KASH5: variants seen among roughly 807,000 people sequenced by gnomAD.
The protein encoded by KASH5 is KASH domain containing 5, also known as protein KASH5.
In KASH5, 72 loss-of-function variants were observed where a neutral mutation model predicts 84.2. The ratio of observed to expected loss-of-function variants is 0.85; its 90% CI spans 0.71 to 1.04. KASH5 has a LOEUF of 1.04. Among genes scored for constraint, KASH5 ranks in the 50% least tolerant of loss-of-function variants. The pLI is 0.00. For missense variants in KASH5, 650 were observed against 701.0 expected (o/e 0.93, Z 0.82); for synonymous variants, 260 against 279.1 (o/e 0.93, Z 0.68).
chr19:49,407,805 C>T (rs1974580307), intron 12 of KASH5, 134 bp downstream of exon 12: 1 of 806,146 alleles, frequency 1.2e-6, no homozygotes, highest in South Asian at 1.5e-5. Flanking sequence ...TGATGTATGA[C>T]TGTATGACTG....
Position 49,412,420 on chromosome 19 carries a change from G to A in KASH5, c.1270-548G>A, listed in dbSNP as rs886073309. Reference sequence around the variant, plus strand: ...GAGGTGAAATCTTGAGGGATGTCTGGGGGCTGCCTGGAAGAGTTGGGTGCA... The same window carrying A: ...GAGGTGAAATCTTGAGGGATGTCTGAGGGCTGCCTGGAAGAGTTGGGTGCA... On this transcript the variant is annotated intron_variant, in intron 15 of 19. Transcript: ENST00000447857. The surrounding 1 kb of genome is among the most constrained non-coding windows in gnomAD (Gnocchi z 4.6). 6.6e-6 allele frequency among the ~76,000 whole-genome samples: 1 copy of A among 152,126 alleles called. No homozygotes were observed. Among genetic ancestry groups the A allele is most frequent in the African/African-American group, 2.4e-5 (1 of 41,410 alleles).
At position 49,395,083 on chromosome 19, in the gene KASH5, C is replaced by T; in HGVS notation, c.149-23C>T. 6.3e-7 allele frequency: 1 copy of T among 1,581,922 alleles called. No homozygotes were observed. The highest frequency in any genetic ancestry group is 1.4e-5 in the African/African-American group (1 of 73,924). On this transcript the variant is annotated intron_variant, in intron 3 of 19. Coordinates refer to ENST00000447857, the MANE Select transcript of KASH5 (RefSeq NM_144688.5). The surrounding 1 kb of genome is among the most constrained non-coding windows in gnomAD (Gnocchi z 4.4). Reference sequence around the variant, plus strand: ...ATCACTCCCCACCTGCCCCAGACCCCCTCACTGCATGCTCTGTCACAGGCA... The same window carrying T: ...ATCACTCCCCACCTGCCCCAGACCCTCTCACTGCATGCTCTGTCACAGGCA...
intron 15 of KASH5, among the ~76,000 whole-genome samples, chr19:49,410,669 G>A (rs1025754959): frequency 3.3e-5 from 5 of 152,006 alleles, no homozygotes; most frequent in African/African-American, 1.2e-4. Context: ...ATTTTTTTTA[G>A]TAGAGACGGG....
chr19:49,415,377 G>T (rs1974872679), intron 17 of KASH5: 1 of 338,390 alleles, frequency 3.0e-6, no homozygotes, highest in Non-Finnish European at 5.6e-6. Context: ...ACTCCCTGGG[G>T]GCGTAGTGCC....
At chr19:49,391,079 GGTAGATTAA>G (rs1973989245) in intron 2 of KASH5, among the ~76,000 whole-genome samples, 153 bp downstream of exon 2, 2 of 152,230 alleles carry the variant, frequency 1.3e-5, no homozygotes, top group South Asian at 4.2e-4. Context: ...AAGGGACTCT[GGTAGATTAA>G]GTGCCTACTC....
intron 9 of KASH5, among the ~76,000 whole-genome samples, chr19:49,406,476 A>T (rs1424639413): frequency 6.6e-6 from 1 of 152,140 alleles, no homozygotes; most frequent in African/African-American, 2.4e-5. Context: ...TTCCCAGTTC[A>T]AGTATTTCTC....
Position 49,394,463 on chromosome 19 carries a change from C to CT in KASH5, c.44-11dup. The CT allele has an allele frequency of 1.2e-6, 2 of 1,610,192 alleles. No homozygotes were observed. Among genetic ancestry groups the CT allele is most frequent in the Non-Finnish European group, 8.5e-7 (1 of 1,176,698 alleles). On this transcript the variant is annotated splice_polypyrimidine_tract_variant and intron_variant, in intron 2 of 19. Coordinates refer to ENST00000447857, the MANE Select transcript of KASH5 (RefSeq NM_144688.5). ...TCTTCCCACTGGTGAGCTGAGCCCT[C>CT]TTGTCTCCCCAGTGTACCTCCGGGA...
chr19:49,405,616 G>T (rs913799210), intron 9 of KASH5, among the ~76,000 whole-genome samples: 6 of 152,042 alleles, frequency 3.9e-5, no homozygotes, highest in Non-Finnish European at 7.4e-5. Context: ...AACTACAGGT[G>T]AACTAATATG....
intron 9 of KASH5, among the ~76,000 whole-genome samples, chr19:49,404,979 A>G (rs1162083902): frequency 6.6e-6 from 1 of 152,190 alleles, no homozygotes; most frequent in Admixed American, 6.5e-5. Flanking sequence ...CCAATCCTAC[A>G]GGACAAGGGA....
At chr19:49,393,088 G>A (rs1470566338) in intron 2 of KASH5, among the ~76,000 whole-genome samples, 1 of 152,154 alleles carries the variant, frequency 6.6e-6, no homozygotes, top group Non-Finnish European at 1.5e-5. Context: ...AGAGGGATGA[G>A]AAAGTTGACT....
At position 49,417,429 on chromosome 19, in the gene KASH5, C is replaced by G. The variant is rs1974947470; in HGVS notation, c.1608C>G (p.Leu536=). 6.4e-7 allele frequency: 1 copy of G among 1,555,862 alleles called. No homozygotes were observed. Among genetic ancestry groups the G allele is most frequent in the Non-Finnish European group, 8.7e-7 (1 of 1,149,702 alleles). ...PVLGLLLLLL[L]SVLLLGPSPP... is the part of the protein sequence containing the mutation. ...TGGGCCTGCTGCTGCTGCTGCTGCT[C>G]TCTGTCCTGCTGCTTGGCCCGTCCC... Residue 536 remains leucine (L), a synonymous_variant, in exon 20 of 20, where the codon CTC becomes CTG. Transcript: ENST00000447857. This position sits in a 1 kb window ranked among gnomAD's most constrained non-coding sequence, Gnocchi z 5.2.
intron 5 of KASH5, among the ~76,000 whole-genome samples, chr19:49,397,147 C>G (rs1974207806): frequency 6.6e-6 from 1 of 151,920 alleles, no homozygotes; most frequent in East Asian, 1.9e-4. Context: ...CCTCCTTCAT[C>G]AGGCTTGGGG....
chr19:49,413,670 G>C (rs1600955170), intron 16 of KASH5, among the ~76,000 whole-genome samples: 1 of 152,162 alleles, frequency 6.6e-6, no homozygotes, highest in African/African-American at 2.4e-5. Flanking sequence ...GGGGAGAAGG[G>C]GCTGAGCAGT....
intron 10 of KASH5, 96 bp downstream of exon 10, chr19:49,407,059 T>TCA: frequency 7.4e-7 from 1 of 1,342,760 alleles, no homozygotes; most frequent in Non-Finnish European, 1.0e-6. Flanking sequence ...AAGGGCAGGG[T>TCA]CTTCCATCAA....
At position 49,399,394 on chromosome 19, in the gene KASH5, AG is replaced by A; in HGVS notation, c.748-60del. 1 of 1,509,746 alleles carries A rather than the reference AG, an allele frequency of 6.6e-7. No individual in the cohort carries two copies. The highest frequency in any genetic ancestry group is 9.1e-7 in the Non-Finnish European group (1 of 1,102,352). 93.5% of individuals were successfully genotyped at this position (1,509,746 alleles called of 1,614,324 possible). On this transcript the variant is annotated intron_variant, in intron 8 of 19. Transcript: ENST00000447857. The surrounding 1 kb of genome is among the most constrained non-coding windows in gnomAD (Gnocchi z 4.4). The stretch of plus-strand genomic sequence containing the variant: ...TGGTTGTGTTTTCAGGGGTGGGAGA[AG>A]GGCAACATGGGGGCAAGGAGGCTAG...
At chr19:49,388,997 G>A (rs1057021328) in intron 1 of KASH5, among the ~76,000 whole-genome samples, 10 of 151,596 alleles carry the variant, frequency 6.6e-5, no homozygotes, top group African/African-American at 1.2e-4. Flanking sequence ...CGGAGACCCC[G>A]AAATGCACTC....
chr19:49,413,143 T>C (rs2122224517), intron 16 of KASH5, 117 bp downstream of exon 16: 2 of 1,031,640 alleles, frequency 1.9e-6, no homozygotes, highest in Non-Finnish European at 2.9e-6. Flanking sequence ...TCCTTCTTCA[T>C]GTCTTCCGGG....
Position 49,390,841 on chromosome 19 carries a change from G to A in KASH5, c.-43G>A. 2.5e-6 allele frequency: 4 copies of A among 1,575,594 alleles called. No individual in the cohort carries two copies. Among genetic ancestry groups the A allele is most frequent in the Non-Finnish European group, 1.7e-6 (2 of 1,163,882 alleles). On this transcript the variant is annotated 5_prime_UTR_variant, in exon 2 of 20. Coordinates refer to ENST00000447857, the MANE Select transcript of KASH5 (RefSeq NM_144688.5). ...CCATCCCTCCCCATGAAGGAGGGAGGCTGGTAGCTTTGCCAGCAGCTGCGC... is the reference window on the plus strand; with the variant it reads ...CCATCCCTCCCCATGAAGGAGGGAGACTGGTAGCTTTGCCAGCAGCTGCGC...
Position 49,395,449 on chromosome 19 carries a change from A to T in KASH5, c.335+157A>T, listed in dbSNP as rs557956001. Among the ~76,000 whole-genome samples the T allele has an allele frequency of 1.1e-3, 172 of 152,244 alleles. No individual in the cohort carries two copies. The highest frequency in any genetic ancestry group is 4.0e-3 in the African/African-American group (167 of 41,482). On this transcript the variant is annotated intron_variant, in intron 4 of 19. Transcript: ENST00000447857. The surrounding 1 kb of genome is among the most constrained non-coding windows in gnomAD (Gnocchi z 4.4). ...TGAAGAGACGGGATTCAGAGGGGGT[A>T]GATAGGGAGTCTGAGGACAAAATAA...
Sources: allele counts gnomAD v4.1 joint callset (sites outside exome capture counted in the v4.1 genomes callset), GRCh38; gene constraint gnomAD v4.1.1; non-coding constraint Gnocchi (gnomAD v3.1); transcripts MANE v1.5; gene names NCBI Gene and HGNC (gene_info 2026-07-23, HGNC 2026-07-21).